Variants in SULT6B1 observed in about 807,000 individuals in gnomAD.
SULT6B1 encodes sulfotransferase 6B1.
A neutral mutation model predicts 37.2 loss-of-function variants in SULT6B1; 44 were observed. That is an observed-to-expected ratio of 1.18 (90% CI 0.93 to 1.52). The LOEUF is 1.52. Ranked by LOEUF, SULT6B1 falls within the 40% of genes most tolerant of loss-of-function variation. The probability of loss-of-function intolerance (pLI) is 0.00; values close to 1 mark genes in which losing one functional copy is unlikely to be tolerated. For missense variants in SULT6B1, 450 were observed against 361.0 expected (o/e 1.25, Z -2.00); for synonymous variants, 140 against 126.0 (o/e 1.11, Z -0.74).
intron 2 of SULT6B1, 74 bp from the exon 3 acceptor site, chr2:37,183,588 G>A: frequency 8.9e-7 from 1 of 1,127,926 alleles, no homozygotes; most frequent in African/African-American, 1.5e-5. Context: ...TCACTCCTAG[G>A]TTTGGTATCT....
upstream of SULT6B1, among the ~76,000 whole-genome samples, chr2:37,188,930 A>G (rs765050269): frequency 2.0e-5 from 3 of 152,244 alleles, no homozygotes; most frequent in African/African-American, 7.2e-5. Flanking sequence ...AGAAGAAAAT[A>G]TATATTAAAT....
chr2:37,171,219 A>C lies in SULT6B1; in HGVS notation c.781+215T>G, dbSNP rs909077267. Among the ~76,000 whole-genome samples the C allele has an allele frequency of 3.9e-5, 6 of 152,214 alleles. 1 individual carries two copies. In the South Asian group the frequency reaches 1.2e-3, roughly 32 times the overall value. ...TGAGCCACTGCACTCCAGCCTGGGC[A>C]ACAGAGCGAGACTCCGTCTCAAAAC... On this transcript the variant is annotated intron_variant, in intron 6 of 6. Coordinates refer to ENST00000535679, the MANE Select transcript of SULT6B1 (RefSeq NM_001367551.1).
chr2:37,193,612 G>GAAGAAGAAC (rs1676829686), upstream of SULT6B1, among the ~76,000 whole-genome samples: 1 of 145,828 alleles, frequency 6.9e-6, no homozygotes, highest in African/African-American at 2.6e-5. Flanking sequence ...AGAAGAAGAA[G>GAAGAAGAAC]AAGAAGAAGA....
intron 6 of SULT6B1, among the ~76,000 whole-genome samples, chr2:37,170,409 G>A (rs182781942): frequency 2.0e-5 from 3 of 152,008 alleles, no homozygotes; most frequent in South Asian, 2.1e-4. Context: ...GGAGGTTGCC[G>A]TGAGCCGAGA....
upstream of SULT6B1, among the ~76,000 whole-genome samples, chr2:37,193,597 AAAGAAG>A (rs70949740): frequency 0.052 from 5,919 of 113,784 alleles, 153 homozygotes; most frequent in South Asian, 0.07. Flanking sequence ...AGAAGAAGAA[AAAGAAG>A]AAGAAGAAGA....
intron 2 of SULT6B1, among the ~76,000 whole-genome samples, chr2:37,186,050 T>A (rs773925823): frequency 3.9e-5 from 6 of 152,200 alleles, no homozygotes; most frequent in Non-Finnish European, 7.3e-5. Context: ...CTTTACCATG[T>A]GTTTTTCTGC....
At chr2:37,175,724 C>T (rs968734311) in intron 4 of SULT6B1, among the ~76,000 whole-genome samples, 1 of 152,110 alleles carries the variant, frequency 6.6e-6, no homozygotes, top group Admixed American at 6.6e-5. Context: ...ATTATTCCAT[C>T]ATATAATCAA....
intron 5 of SULT6B1, among the ~76,000 whole-genome samples, chr2:37,173,401 T>A (rs1263751569): frequency 6.6e-6 from 1 of 152,172 alleles, no homozygotes; most frequent in Admixed American, 6.5e-5. Flanking sequence ...ACGTATATAT[T>A]TCCATGGCTT....
chr2:37,180,759 C>T (rs1047673413), intron 3 of SULT6B1, among the ~76,000 whole-genome samples: 1 of 152,126 alleles, frequency 6.6e-6, no homozygotes, highest in African/African-American at 2.4e-5. Context: ...TGTTGTGCAC[C>T]TGTAGTCTCA....
chr2:37,170,499 A>G (rs548990986), intron 6 of SULT6B1, among the ~76,000 whole-genome samples: 1 of 151,490 alleles, frequency 6.6e-6, no homozygotes, highest in East Asian at 1.9e-4. Context: ...AAGAGAGAGG[A>G]AAAAAAGGAG....
In SULT6B1 at chr2:37,171,447, G is replaced by T. The variant is rs184550176; in HGVS notation, c.768C>A (p.Phe256Leu). 6 of 1,613,508 alleles carry T rather than the reference G, an allele frequency of 3.7e-6. No homozygotes were observed. The Admixed American group carries it at 1.0e-4, about 27-fold the overall frequency. The change falls in exon 6 of 7, where the codon TTC (phenylalanine) becomes TTA (leucine). Residue 256 changes from phenylalanine (F) to leucine (L), a missense_variant. Transcript: ENST00000535679. ...SQDTHGAVGPFLFRKGEVGDW... is the reference protein window; with the variant it reads ...SQDTHGAVGPLLFRKGEVGDW... ...ATGCGACTTTACCTTTGCGGAAAAG[G>T]AATGGGCCGACAGCACCGTGTGTGT... is the stretch of plus-strand genomic sequence containing the variant.
At position 37,183,483 on chromosome 2, in the gene SULT6B1, A is replaced by G; in HGVS notation, c.344T>C (p.Leu115Ser). The change falls in exon 3 of 7, where the codon TTG (leucine) becomes TCG (serine). Residue 115 changes from leucine to serine, a missense_variant. By Grantham distance (145) the Leu-to-Ser change is moderately radical. Coordinates refer to ENST00000535679, the MANE Select transcript of SULT6B1 (RefSeq NM_001367551.1). ...TTTGTCATAGTGGAGGTGAGTTGCC[A>G]AAATCCTTGGTGATGGAAAGCCTTT... ...RMKGFPSPRI[L>S]ATHLHYDKLP... 1 of 1,614,088 alleles carries G rather than the reference A, an allele frequency of 6.2e-7. No homozygotes were observed. The highest frequency in any genetic ancestry group is 8.5e-7 in the Non-Finnish European group (1 of 1,179,920).
chr2:37,188,627 G>C lies in SULT6B1; in HGVS notation c.14C>G (p.Ser5Cys), dbSNP rs748652143. The C allele has an allele frequency of 2.3e-6, 3 of 1,321,374 alleles. No individual in the cohort carries two copies. The highest frequency in any genetic ancestry group is 3.3e-6 in the Non-Finnish European group (3 of 921,946). 81.9% of individuals were successfully genotyped at this position (1,321,374 alleles called of 1,614,324 possible). ...TTCGTCAATGTATTCAATAAATTTG[G>C]ATTTATCAGCCATGGTGGCTCCCTG... MADKSKFIEYIDEAL... is the reference protein window; with the variant it reads MADKCKFIEYIDEAL... The change falls in exon 1 of 7, where the codon TCC (serine) becomes TGC (cysteine). Residue 5 changes from serine (S) to cysteine (C), a missense_variant. Physicochemically the swap from Ser to Cys is moderately radical, Grantham distance 112. Coordinates refer to ENST00000535679, the MANE Select transcript of SULT6B1 (RefSeq NM_001367551.1).
At position 37,187,525 on chromosome 2, in the gene SULT6B1, C is replaced by T. The variant is rs894365587; in HGVS notation, c.200-58G>A. The T allele has an allele frequency of 4.5e-5, 48 of 1,068,930 alleles. No individual in the cohort carries two copies. In the South Asian group the frequency reaches 4.6e-4, roughly 10 times the overall value. The allele number at this position is 1,068,930 out of a possible 1,614,324, so 66.2% of individuals were successfully genotyped here. A position where few individuals can be genotyped will look rare whatever the true frequency, so the allele number is the denominator to read the frequency against. ...ACGGAGTCTTGATATAACAAAAGGA[C>T]GTTACTTTAGCATATACATGATAAA... On this transcript the variant is annotated intron_variant, in intron 1 of 6. Coordinates refer to ENST00000535679, the MANE Select transcript of SULT6B1 (RefSeq NM_001367551.1).
At chr2:37,174,227 CTTTTTTTTT>C (rs35100458) in intron 5 of SULT6B1, among the ~76,000 whole-genome samples, 4 of 58,482 alleles carry the variant, frequency 6.8e-5, no homozygotes, top group East Asian at 9.9e-4. Flanking sequence ...TCTTCCTATT[CTTTTTTTTT>C]TTTTTTTTTT....
Position 37,183,515 on chromosome 2 carries a change from C to G in SULT6B1, c.313-1G>C. ...TTGGTGATGGAAAGCCTTTCATTCT[C>G]TTAAAAATATACACAAAAAGGTGAA... is the stretch of plus-strand genomic sequence containing the variant. On this transcript the variant is annotated splice_acceptor_variant, in intron 2 of 6. Coordinates refer to ENST00000535679, the MANE Select transcript of SULT6B1 (RefSeq NM_001367551.1). LOFTEE classifies it high-confidence loss of function. 6.2e-7 allele frequency: 1 copy of G among 1,612,136 alleles called. No individual in the cohort carries two copies. The highest frequency in any genetic ancestry group is 8.5e-7 in the Non-Finnish European group (1 of 1,178,238).
intron 6 of SULT6B1, 69 bp downstream of exon 6, chr2:37,171,365 T>C (rs1269581366): frequency 6.5e-7 from 1 of 1,529,374 alleles, no homozygotes; most frequent in Non-Finnish European, 8.8e-7. Context: ...ATGAAGTTAT[T>C]TGGATTACCT....
upstream of SULT6B1, among the ~76,000 whole-genome samples, chr2:37,193,204 C>G (rs144105766): frequency 0.013 from 1,954 of 151,882 alleles, 50 homozygotes; most frequent in Non-Finnish European, 0.012. Context: ...ACCTATAATA[C>G]CAGCACTTTG....
Position 37,188,586 on chromosome 2 carries a change from T to G in SULT6B1, c.55A>C (p.Lys19Gln). 6.4e-7 allele frequency: 1 copy of G among 1,565,088 alleles called. No homozygotes were observed. The highest frequency in any genetic ancestry group is 8.8e-7 in the Non-Finnish European group (1 of 1,135,530). The change falls in exon 1 of 7, where the codon AAA (lysine) becomes CAA (glutamine). Residue 19 changes from lysine to glutamine, a missense_variant. Lys to Gln is a moderately conservative substitution (Grantham distance 53). Transcript: ENST00000535679. Reference protein sequence around the residue: ...EYIDEALEKSKETALSHLFFT... With the variant: ...EYIDEALEKSQETALSHLFFT... The stretch of plus-strand genomic sequence containing the variant: ...AATAAATGAGAGAGTGCAGTTTCTT[T>G]TGATTTTTCTAAAGCTTCGTCAATG...
Sources: allele counts gnomAD v4.1 joint callset (sites outside exome capture counted in the v4.1 genomes callset), GRCh38; gene constraint gnomAD v4.1.1; transcripts MANE v1.5; gene names NCBI Gene and HGNC (gene_info 2026-07-23, HGNC 2026-07-21).